FRMD4A: variants seen among roughly 807,000 people sequenced by gnomAD.
FRMD4A encodes the protein FERM domain containing 4A, also known as FERM domain-containing protein 4A.
A neutral mutation model predicts 129.1 loss-of-function variants in FRMD4A; 29 were observed. The ratio of observed to expected loss-of-function variants is 0.22; its 90% CI spans 0.17 to 0.31. The LOEUF (loss-of-function observed/expected upper bound fraction) is 0.31, where lower values mean the gene tolerates loss of function less well. Among genes scored for constraint, FRMD4A ranks in the 10% least tolerant of loss-of-function variants. FRMD4A has a pLI of 1.00. For synonymous variants in FRMD4A, 634 were observed against 571.6 expected, an observed-to-expected ratio of 1.11 and a Z score of -1.56; for missense variants, 1,272 against 1,375.8, an observed-to-expected ratio of 0.92 and a Z score of 1.19.
At chr10:14,079,684 AAG>A (rs1259357278) in intron 2 of FRMD4A, among the ~76,000 whole-genome samples, 1 of 152,182 alleles carries the variant, frequency 6.6e-6, no homozygotes, top group Non-Finnish European at 1.5e-5. Context: ...GACACTTAGT[AAG>A]ACTGTGTGAC....
chr10:13,797,314 G>T (rs74121691), intron 4 of FRMD4A, among the ~76,000 whole-genome samples: 3,930 of 152,278 alleles, frequency 0.026, 178 homozygotes, highest in African/African-American at 0.087. Flanking sequence ...GGAGTGAAAA[G>T]CAAATCACAC....
chr10:13,789,239 C>T (rs562997062), intron 5 of FRMD4A, among the ~76,000 whole-genome samples: 10 of 152,264 alleles, frequency 6.6e-5, no homozygotes, highest in Admixed American at 2.6e-4. Flanking sequence ...TCCATGCCAT[C>T]ATTGTTATTG....
At chr10:14,115,399 T>C (rs1279685966) in intron 2 of FRMD4A, among the ~76,000 whole-genome samples, 17 of 152,226 alleles carry the variant, frequency 1.1e-4, no homozygotes, top group Admixed American at 1.1e-3. Flanking sequence ...AATAATTACT[T>C]TTCCCTAGTT....
intron 2 of FRMD4A, among the ~76,000 whole-genome samples, chr10:14,170,196 A>AC (rs1346148803): frequency 1.3e-5 from 2 of 152,220 alleles, no homozygotes; most frequent in Non-Finnish European, 2.9e-5. Flanking sequence ...TTGACATCTT[A>AC]CCTCTGTATC....
intron 2 of FRMD4A, among the ~76,000 whole-genome samples, chr10:13,882,263 C>A (rs1040036525): frequency 3.9e-5 from 6 of 151,958 alleles, no homozygotes; most frequent in Non-Finnish European, 7.4e-5. Flanking sequence ...CAGTCAGCAC[C>A]TCACCCTAAA....
At chr10:13,956,526 C>A (rs544964080) in intron 2 of FRMD4A, among the ~76,000 whole-genome samples, 120 of 152,300 alleles carry the variant, frequency 7.9e-4, no homozygotes, top group African/African-American at 2.7e-3. Context: ...AGGCTCAGGA[C>A]AACAAAGTTG....
At position 13,656,973 on chromosome 10, in the gene FRMD4A, G is replaced by C; in HGVS notation, c.2616C>G (p.Ser872=). The C allele has an allele frequency of 6.5e-7, 1 of 1,547,078 alleles. No homozygotes were observed. Among genetic ancestry groups the C allele is most frequent in the Non-Finnish European group, 8.7e-7 (1 of 1,153,932 alleles). Residue 872 remains serine (S), a synonymous_variant, in exon 22 of 25, where the codon TCC becomes TCG. Transcript: ENST00000357447. ...SVKAQFKTSN[S]YTAGGLFKES... Reference sequence around the variant, plus strand: ...CCTTGAACAGGCCGCCCGCCGTGTAGGAGTTGGACGTCTTGAACTGAGCCT... The same window carrying C: ...CCTTGAACAGGCCGCCCGCCGTGTACGAGTTGGACGTCTTGAACTGAGCCT...
At chr10:13,780,820 G>C (rs886276906) in intron 6 of FRMD4A, among the ~76,000 whole-genome samples, 1 of 152,148 alleles carries the variant, frequency 6.6e-6, no homozygotes. Flanking sequence ...CTATGATCTG[G>C]CAATACCACC....
rs1228025618 is a variant in FRMD4A at position 13,750,043 on chromosome 10, G to GGAAGGAAGGAAGGAAGAAAGAAA, written c.465-2225_465-2224insTTTCTTTCTTCCTTCCTTCCTTC. 6.3e-4 allele frequency among the ~76,000 whole-genome samples: 78 copies of GGAAGGAAGGAAGGAAGAAAGAAA among 124,394 alleles called. 1 individual carries two copies. In the South Asian group the frequency reaches 8.6e-3, roughly 14 times the overall value. 81.6% of individuals were successfully genotyped at this position (124,394 alleles called of 152,430 possible). A position where few individuals can be genotyped will look rare whatever the true frequency, so the allele number is the denominator to read the frequency against. On this transcript the variant is annotated intron_variant, in intron 8 of 24. Coordinates refer to ENST00000357447, the MANE Select transcript of FRMD4A (RefSeq NM_018027.5). ...AAGGAGAGAGAGAAAGAGAGGGAAA[G>GGAAGGAAGGAAGGAAGAAAGAAA]GAAAGGAAGGAAGGAAGGAAGGAAG...
At chr10:13,853,677 T>C (rs2131019134) in intron 3 of FRMD4A, among the ~76,000 whole-genome samples, 1 of 151,472 alleles carries the variant, frequency 6.6e-6, no homozygotes, top group East Asian at 2.0e-4. Context: ...CTACTAAAAA[T>C]ACAAAAGTAG....
At chr10:14,330,302 G>T in intron 1 of FRMD4A, 119 bp from the exon 2 acceptor site, 1 of 510,952 alleles carries the variant, frequency 2.0e-6, no homozygotes, top group Non-Finnish European at 3.5e-6. Context: ...ACTGTGCTTA[G>T]GGAGGAAAAA....
intron 2 of FRMD4A, among the ~76,000 whole-genome samples, chr10:13,895,088 A>T (rs535721767): frequency 4.5e-4 from 69 of 152,330 alleles, no homozygotes; most frequent in Non-Finnish European, 9.0e-4. Context: ...GGGGCTTTTT[A>T]AAAAAGTTGT....
rs149706232 is a variant in FRMD4A, at chr10:13,869,945, C to T, written c.46-11033G>A. ...GATATCTTTGGTTCTGCAACTGGAG[C>T]AACCGGAGTCTCTGAAGAGCTACAG... On this transcript the variant is annotated intron_variant, in intron 2 of 24. Transcript: ENST00000357447. 3.0e-3 allele frequency among the ~76,000 whole-genome samples: 459 copies of T among 152,312 alleles called. 1 individual carries two copies. Among genetic ancestry groups the T allele is most frequent in the African/African-American group, 0.01 (429 of 41,556 alleles).
intron 2 of FRMD4A, among the ~76,000 whole-genome samples, chr10:13,997,796 T>C (rs2095628189): frequency 6.6e-6 from 1 of 151,946 alleles, no homozygotes. Context: ...CTAATTTGTT[T>C]GTAGAGATGG....
At chr10:13,970,485 T>C (rs1481736284) in intron 2 of FRMD4A, among the ~76,000 whole-genome samples, 1 of 152,176 alleles carries the variant, frequency 6.6e-6, no homozygotes, top group African/African-American at 2.4e-5. Context: ...TAAGGAATTA[T>C]AGACCACCAA....
At chr10:13,708,054 CTGGTTA>C (rs2087647364) in intron 12 of FRMD4A, 1 of 193,832 alleles carries the variant, frequency 5.2e-6, no homozygotes, top group Admixed American at 6.5e-5. Flanking sequence ...TTAATATTTG[CTGGTTA>C]CTGCATCACC....
chr10:13,886,233 T>TC (rs1482239459), intron 2 of FRMD4A, among the ~76,000 whole-genome samples: 1 of 150,670 alleles, frequency 6.6e-6, no homozygotes, highest in African/African-American at 2.4e-5. Flanking sequence ...CGTTTTTGTT[T>TC]TTTTTCCCAT....
intron 2 of FRMD4A, among the ~76,000 whole-genome samples, chr10:14,273,869 G>A (rs545376652): frequency 1.1e-3 from 162 of 152,248 alleles, no homozygotes; most frequent in African/African-American, 3.7e-3. Flanking sequence ...AAACACTTTT[G>A]AGCACTTACT....
intron 14 of FRMD4A, among the ~76,000 whole-genome samples, chr10:13,698,269 C>T (rs1178526096): frequency 6.6e-6 from 1 of 152,136 alleles, no homozygotes; most frequent in Non-Finnish European, 1.5e-5. Flanking sequence ...TGATAAACAT[C>T]ATTTGGGAGG....
Sources: allele counts gnomAD v4.1 joint callset (sites outside exome capture counted in the v4.1 genomes callset), GRCh38; gene constraint gnomAD v4.1.1; transcripts MANE v1.5; gene names NCBI Gene and HGNC (gene_info 2026-07-23, HGNC 2026-07-21).